SLC7A5: variants seen among roughly 807,000 people sequenced by gnomAD.
The protein encoded by SLC7A5 is large neutral amino acids transporter small subunit 1.
A neutral mutation model predicts 50.2 loss-of-function variants in SLC7A5; 23 were observed. The ratio of observed to expected loss-of-function variants is 0.46; its 90% confidence interval spans 0.33 to 0.65. The LOEUF is 0.65. Ranked by LOEUF, SLC7A5 falls within the 30% of genes least tolerant of loss-of-function variation. The pLI is 0.02. For missense variants in SLC7A5, 578 were observed against 684.4 expected (o/e 0.84, Z 1.73); for synonymous variants, 393 against 330.6 (o/e 1.19, Z -2.05).
At chr16:87,848,543 T>G (rs577593310) in intron 2 of SLC7A5, among the ~76,000 whole-genome samples, 2 of 152,288 alleles carry the variant, frequency 1.3e-5, no homozygotes, top group Admixed American at 1.3e-4. Flanking sequence ...CACCTAAGCC[T>G]GCGTGTCCCC....
Position 87,832,644 on chromosome 16 carries a change from G to C in SLC7A5, c.*326C>G, listed in dbSNP as rs1334805685. On this transcript the variant is annotated 3_prime_UTR_variant, in exon 10 of 10. Coordinates refer to ENST00000261622, the MANE Select transcript of SLC7A5 (RefSeq NM_003486.7). The surrounding 1 kb of genome is among the most constrained non-coding windows in gnomAD (Gnocchi z 4.6). ...CCCAGCTCCTTAAAAAATCATCTTA[G>C]TGGTGTCAAGTTGACCCAAAATTTA... 6.1e-6 allele frequency: 1 copy of C among 163,576 alleles called. No individual in the cohort carries two copies. The highest frequency in any genetic ancestry group is 6.0e-5 in the Admixed American group (1 of 16,596). The allele number at this position is 163,576 out of a possible 1,614,324, so 10.1% of individuals were successfully genotyped here.
intron 2 of SLC7A5, 77 bp downstream of exon 2, chr16:87,851,647 C>T (rs374300358): frequency 7.1e-6 from 11 of 1,555,760 alleles, no homozygotes; most frequent in Admixed American, 3.5e-5. Flanking sequence ...CACCCGGGGA[C>T]GGGACCTCAT....
chr16:87,867,359 G>A (rs1179526277), intron 1 of SLC7A5, among the ~76,000 whole-genome samples: 4 of 152,200 alleles, frequency 2.6e-5, no homozygotes, highest in African/African-American at 4.8e-5. Flanking sequence ...AGAAATCAGA[G>A]TCATCCCCTA....
chr16:87,836,709 G>T, intron 7 of SLC7A5, 62 bp from the exon 8 acceptor site: 4 of 1,577,336 alleles, frequency 2.5e-6, no homozygotes, highest in Non-Finnish European at 3.5e-6. Flanking sequence ...GGACGGCCGT[G>T]GTGGCCACCG....
intron 2 of SLC7A5, among the ~76,000 whole-genome samples, chr16:87,848,798 T>C (rs1279072297): frequency 1.3e-5 from 2 of 152,226 alleles, no homozygotes; most frequent in African/African-American, 4.8e-5. Context: ...GAGCTCTGGA[T>C]GCGGGGCCAT....
Position 87,833,633 on chromosome 16 carries a change from GGGT to G in SLC7A5, c.1469-611_1469-609del. 8.1e-6 allele frequency among the ~76,000 whole-genome samples: 1 copy of G among 124,034 alleles called. No individual in the cohort carries two copies. Among genetic ancestry groups the G allele is most frequent in the African/African-American group, 6.3e-5 (1 of 15,852 alleles). 81.4% of individuals were successfully genotyped at this position (124,034 alleles called of 152,430 possible). A position where few individuals can be genotyped will look rare whatever the true frequency, so the allele number is the denominator to read the frequency against. On this transcript the variant is annotated intron_variant, in intron 9 of 9. Transcript: ENST00000261622. The surrounding 1 kb of genome is among the most constrained non-coding windows in gnomAD (Gnocchi z 6.0). The stretch of plus-strand genomic sequence containing the variant: ...TGACCCTGGCGGTGATCAGAGTGTG[GGGT>G]AGGGGTGGGGGGTCTCCCTGCCTGT...
In SLC7A5 at chr16:87,861,930, A is replaced by G. The variant is rs202067440; in HGVS notation, c.538+6955T>C. Among the ~76,000 whole-genome samples the G allele has an allele frequency of 4.2e-3, 641 of 152,282 alleles. 4 individuals carry two copies. The highest frequency in any genetic ancestry group is 0.015 in the African/African-American group (618 of 41,556). The stretch of plus-strand genomic sequence containing the variant: ...GCGGCTGGGAAAGTCAGATTTCAGC[A>G]CTAATCACTGGCTGCCGCCTGCAAT... On this transcript the variant is annotated intron_variant, in intron 1 of 9. Coordinates refer to ENST00000261622, the MANE Select transcript of SLC7A5 (RefSeq NM_003486.7). The surrounding 1 kb of genome is among the most constrained non-coding windows in gnomAD (Gnocchi z 4.2).
At chr16:87,839,032 T>C (rs1423147572) in intron 5 of SLC7A5, among the ~76,000 whole-genome samples, 2 of 152,204 alleles carry the variant, frequency 1.3e-5, no homozygotes, top group African/African-American at 4.8e-5. Context: ...TGGGGAGCCC[T>C]TGCTGGTCCT....
intron 9 of SLC7A5, 47 bp downstream of exon 9, chr16:87,834,367 G>C: frequency 6.5e-7 from 1 of 1,542,558 alleles, no homozygotes; most frequent in Non-Finnish European, 8.8e-7. Flanking sequence ...TCCCTTCGCT[G>C]CCCAGGGCAG....
intron 2 of SLC7A5, among the ~76,000 whole-genome samples, chr16:87,843,662 G>A (rs1175729646): frequency 6.6e-6 from 1 of 152,128 alleles, no homozygotes; most frequent in Non-Finnish European, 1.5e-5. Context: ...TGACCAGCGG[G>A]CATTCTGCAC....
chr16:87,834,393 G>A (rs1229569391), intron 9 of SLC7A5, 21 bp downstream of exon 9: 12 of 1,551,060 alleles, frequency 7.7e-6, no homozygotes, highest in Non-Finnish European at 1.0e-5. Context: ...ACCACGGGCT[G>A]TGGGCCAGCG....
chr16:87,837,483 A>C, intron 7 of SLC7A5: 1 of 284,570 alleles, frequency 3.5e-6, no homozygotes, highest in Non-Finnish European at 6.7e-6. Context: ...CTGGCACGGA[A>C]AGATGCAGGA....
At chr16:87,849,549 G>A (rs1169927492) in intron 2 of SLC7A5, among the ~76,000 whole-genome samples, 1 of 152,174 alleles carries the variant, frequency 6.6e-6, no homozygotes, top group South Asian at 2.1e-4. Context: ...GCTATCTGAT[G>A]AGCGCAGCCA....
chr16:87,850,735 G>A (rs923742511), intron 2 of SLC7A5, among the ~76,000 whole-genome samples: 9 of 152,344 alleles, frequency 5.9e-5, no homozygotes, highest in African/African-American at 2.2e-4. Context: ...AACCACGGGT[G>A]GGATCCAGTG....
In SLC7A5 at chr16:87,837,736, GT is replaced by G. The variant is rs1369633677; in HGVS notation, c.1140+108del. The G allele has an allele frequency of 8.1e-6, 7 of 863,146 alleles. No individual in the cohort carries two copies. The East Asian group carries it at 1.9e-4, about 23-fold the overall frequency. The allele number at this position is 863,146 out of a possible 1,614,324, so 53.5% of individuals were successfully genotyped here. A position where few individuals can be genotyped will look rare whatever the true frequency, so the allele number is the denominator to read the frequency against. ...CTCGGCAGGAGGCCACATTTGAGCTGTCACCCAGTCCACACCCCAGACAGAG... is the reference window on the plus strand; with the variant it reads ...CTCGGCAGGAGGCCACATTTGAGCTGCACCCAGTCCACACCCCAGACAGAG... On this transcript the variant is annotated intron_variant, in intron 7 of 9. Transcript: ENST00000261622.
intron 1 of SLC7A5, among the ~76,000 whole-genome samples, chr16:87,858,000 C>G (rs2055342296): frequency 6.6e-6 from 1 of 152,156 alleles, no homozygotes; most frequent in South Asian, 2.1e-4. Flanking sequence ...AGCAGGAGAA[C>G]TGGAAAAGGG....
chr16:87,835,156 C>G (rs1948615405), intron 8 of SLC7A5, among the ~76,000 whole-genome samples: 1 of 152,272 alleles, frequency 6.6e-6, no homozygotes, highest in South Asian at 2.1e-4. Context: ...CTCAGCTGTC[C>G]TGAATCCATA....
rs143261784 is a variant in SLC7A5 at position 87,835,276 on chromosome 16, G to T, written c.1291-685C>A. Among the ~76,000 whole-genome samples the T allele has an allele frequency of 3.9e-5, 6 of 152,332 alleles. No homozygotes were observed. In the East Asian group the frequency reaches 1.2e-3, roughly 29 times the overall value. On this transcript the variant is annotated intron_variant, in intron 8 of 9. Transcript: ENST00000261622. ...GGAACAGACGCCAACCCGTGCCCAG[G>T]CTCACAACAGTGGGTAGAGCCTACC...
chr16:87,847,960 T>C (rs577762539), intron 2 of SLC7A5, among the ~76,000 whole-genome samples: 53 of 151,976 alleles, frequency 3.5e-4, no homozygotes, highest in African/African-American at 1.2e-3. Flanking sequence ...GTAGGTCACA[T>C]CCAGGGGTCT....
Sources: allele counts gnomAD v4.1 joint callset (sites outside exome capture counted in the v4.1 genomes callset), GRCh38; gene constraint gnomAD v4.1.1; non-coding constraint Gnocchi (gnomAD v3.1); transcripts MANE v1.5; gene names NCBI Gene and HGNC (gene_info 2026-07-23, HGNC 2026-07-21).